Variants in CD2BP2 observed in about 807,000 individuals in gnomAD.
CD2BP2 encodes CD2 cytoplasmic tail binding protein 2.
A neutral mutation model predicts 35.9 loss-of-function variants in CD2BP2; 27 were observed. The ratio of observed to expected loss-of-function variants is 0.75; its 90% CI spans 0.55 to 1.04. The LOEUF (loss-of-function observed/expected upper bound fraction) is 1.04, where lower values mean the gene tolerates loss of function less well. Ranked by LOEUF, CD2BP2 falls within the 50% of genes least tolerant of loss-of-function variation. The probability of loss-of-function intolerance (pLI) is 0.00; values close to 1 mark genes in which losing one functional copy is unlikely to be tolerated. For missense variants in CD2BP2, 497 were observed against 444.3 expected (o/e 1.12, Z -1.07); for synonymous variants, 213 against 173.5 (o/e 1.23, Z -1.79).
At position 30,355,228 on chromosome 16, in the gene CD2BP2, G is replaced by A. The variant is rs2049527206; in HGVS notation, c.-43C>T. ...CGCACTCACCTGGGAATCCGCGGAA[G>A]GCGAGGTGGAAAAAAGAAGAGATGC... On this transcript the variant is annotated 5_prime_UTR_variant, in exon 1 of 7. Transcript: ENST00000305596. The A allele has an allele frequency of 1.3e-5, 2 of 152,746 alleles. No homozygotes were observed. Among genetic ancestry groups the A allele is most frequent in the Admixed American group, 6.5e-5 (1 of 15,296 alleles). 9.5% of individuals were successfully genotyped at this position (152,746 alleles called of 1,614,324 possible).
At position 30,354,255 on chromosome 16, in the gene CD2BP2, C is replaced by G; in HGVS notation, c.146G>C (p.Ser49Thr). 1.9e-6 allele frequency: 3 copies of G among 1,614,164 alleles called. No homozygotes were observed. Among genetic ancestry groups the G allele is most frequent in the Non-Finnish European group, 2.5e-6 (3 of 1,180,024 alleles). The change falls in exon 3 of 7, where the codon AGC (serine) becomes ACC (threonine). Residue 49 changes from serine (S) to threonine (T), a missense_variant. Ser to Thr is a moderately conservative substitution (Grantham distance 58). Coordinates refer to ENST00000305596, the MANE Select transcript of CD2BP2 (RefSeq NM_006110.3). ...ATCATCATCATCCTCCTCCTCATCG[C>G]TATCCAAAGAGTGTTTGCCTTTAAA... Reference protein sequence around the residue: ...SRFKGKHSLDSDEEEDDDDGG... With the variant: ...SRFKGKHSLDTDEEEDDDDGG...
rs1316239150 is a variant in CD2BP2, at chr16:30,353,620, C to G, written c.556G>C (p.Gly186Arg). Residue 186 changes from glycine to arginine, a missense_variant, in exon 5 of 7, where the codon GGG (glycine) becomes CGG (arginine). Transcript: ENST00000305596. ...CTGGGTTGCCCAGGCCCCTTTCTCC[C>G]TTTGCCTCCTCCTCGGGCCCCCAGA... ...RRLGARGGGK[G>R]RKGPGQPSSP... 3.7e-6 allele frequency: 6 copies of G among 1,613,866 alleles called. No homozygotes were observed. Among genetic ancestry groups the G allele is most frequent in the Non-Finnish European group, 5.1e-6 (6 of 1,179,894 alleles).
At position 30,352,655 on chromosome 16, in the gene CD2BP2, G is replaced by A; in HGVS notation, c.*330C>T. On this transcript the variant is annotated 3_prime_UTR_variant, in exon 7 of 7. Coordinates refer to ENST00000305596, the MANE Select transcript of CD2BP2 (RefSeq NM_006110.3). ...CTAAGAGGAATCGAACAAGAAACCT[G>A]GGAGAGGAGCACAGAGCAGCGCAGT... 3.4e-6 allele frequency: 1 copy of A among 294,698 alleles called. No individual in the cohort carries two copies. The highest frequency in any genetic ancestry group is 6.4e-6 in the Non-Finnish European group (1 of 155,456). 18.3% of individuals were successfully genotyped at this position (294,698 alleles called of 1,614,324 possible).
At chr16:30,354,844 A>C (rs973621452) in intron 1 of CD2BP2, 137 bp from the exon 2 acceptor site, 14 of 691,776 alleles carry the variant, frequency 2.0e-5, no homozygotes, top group Admixed American at 1.4e-4. Context: ...GGCCGAAAGG[A>C]AGCTGGCAGC....
intron 5 of CD2BP2, 23 bp from the exon 6 acceptor site, chr16:30,353,310 T>G (rs767820233): frequency 3.7e-6 from 6 of 1,613,752 alleles, no homozygotes; most frequent in South Asian, 1.1e-5. Context: ...GCAAAGCCAT[T>G]TGGCCTCCAG....
rs2049506380 is a variant in CD2BP2 at position 30,353,726 on chromosome 16, G to C, written c.450C>G (p.Thr150=). The C allele has an allele frequency of 6.2e-7, 1 of 1,612,566 alleles. No homozygotes were observed. The highest frequency in any genetic ancestry group is 1.3e-5 in the African/African-American group (1 of 74,924). The part of the protein sequence containing the change: ...DSEEEDSLGQ[T]SMSAQALLEG... ...CCAAGAGGGCTTGGGCACTCATTGAGGTCTGGCCCAAGCTGTCCTCCTCCT... is the reference window on the plus strand; with the variant it reads ...CCAAGAGGGCTTGGGCACTCATTGACGTCTGGCCCAAGCTGTCCTCCTCCT... The change falls in exon 5 of 7, where the codon ACC becomes ACG. Residue 150 remains threonine, a synonymous_variant. Transcript: ENST00000305596.
rs1263573663 is a variant in CD2BP2, at chr16:30,352,641, C to T, written c.*344G>A. The T allele has an allele frequency of 3.7e-6, 1 of 269,670 alleles. No homozygotes were observed. Among genetic ancestry groups the T allele is most frequent in the African/African-American group, 2.2e-5 (1 of 46,172 alleles). The allele number at this position is 269,670 out of a possible 1,614,324, so 16.7% of individuals were successfully genotyped here. On this transcript the variant is annotated 3_prime_UTR_variant, in exon 7 of 7. Transcript: ENST00000305596. ...TGAAAGCCAAAGACCTAAGAGGAATCGAACAAGAAACCTGGGAGAGGAGCA... is the reference window on the plus strand; with the variant it reads ...TGAAAGCCAAAGACCTAAGAGGAATTGAACAAGAAACCTGGGAGAGGAGCA...
intron 2 of CD2BP2, 22 bp from the exon 3 acceptor site, chr16:30,354,344 T>C: frequency 6.2e-7 from 1 of 1,604,428 alleles, no homozygotes. Flanking sequence ...AGCCAGAAAG[T>C]TGAGAAATGC....
Position 30,350,817 on chromosome 16 carries a change from G to A in CD2BP2, c.*2168C>T, listed in dbSNP as rs2049476050. 1 of 152,274 alleles carries A rather than the reference G, an allele frequency of 6.6e-6. No homozygotes were observed. Among genetic ancestry groups the A allele is most frequent in the Admixed American group, 6.5e-5 (1 of 15,286 alleles). 9.4% of individuals were successfully genotyped at this position (152,274 alleles called of 1,614,324 possible). A position where few individuals can be genotyped will look rare whatever the true frequency, so the allele number is the denominator to read the frequency against. On this transcript the variant is annotated 3_prime_UTR_variant, in exon 7 of 7. Coordinates refer to ENST00000305596, the MANE Select transcript of CD2BP2 (RefSeq NM_006110.3). ...ATTATCTTACAGTTCTAGAGGTCAGGAGTCCAAAATGGTTTTCACCAGGCT... is the reference window on the plus strand; with the variant it reads ...ATTATCTTACAGTTCTAGAGGTCAGAAGTCCAAAATGGTTTTCACCAGGCT...
Position 30,354,617 on chromosome 16 carries a change from A to G in CD2BP2, c.65T>C (p.Val22Ala). Residue 22 changes from valine to alanine, a missense_variant, in exon 2 of 7, where the codon GTC (valine) becomes GCC (alanine). Transcript: ENST00000305596. The part of the protein sequence containing the change: ...GDEEDEDEII[V>A]PKKKLVDPVA... Reference sequence around the variant, plus strand: ...TGGCCCCCTCACCTTCTTCTTGGGGACAATGATTTCATCCTCATCCTCCTC... The same window carrying G: ...TGGCCCCCTCACCTTCTTCTTGGGGGCAATGATTTCATCCTCATCCTCCTC... The G allele has an allele frequency of 6.2e-7, 1 of 1,613,326 alleles. No individual in the cohort carries two copies. Among genetic ancestry groups the G allele is most frequent in the Non-Finnish European group, 8.5e-7 (1 of 1,179,766 alleles).
chr16:30,353,315 C>T (rs777645377), intron 5 of CD2BP2, 28 bp from the exon 6 acceptor site: 4 of 1,613,324 alleles, frequency 2.5e-6, no homozygotes, highest in South Asian at 1.1e-5. Flanking sequence ...GCCATTTGGC[C>T]TCCAGTGTCT....
rs2049516364 is a variant in CD2BP2 at position 30,354,438 on chromosome 16, A to G, written c.79-116T>C. On this transcript the variant is annotated intron_variant, in intron 2 of 6. Transcript: ENST00000305596. ...TTTCAGGATCTCGACTACTTCCCCA[A>G]ATATTTCAGGAGCCACACTAAAGAC... The G allele has an allele frequency of 5.0e-6, 7 of 1,406,418 alleles. No homozygotes were observed. The Admixed American group carries it at 1.0e-4, about 21-fold the overall frequency. The allele number at this position is 1,406,418 out of a possible 1,614,324, so 87.1% of individuals were successfully genotyped here. A position where few individuals can be genotyped will look rare whatever the true frequency, so the allele number is the denominator to read the frequency against.
At position 30,351,888 on chromosome 16, in the gene CD2BP2, CAA is replaced by C. The variant is rs1401975134; in HGVS notation, c.*1095_*1096del. 1 of 152,290 alleles carries C rather than the reference CAA, an allele frequency of 6.6e-6. No homozygotes were observed. Among genetic ancestry groups the C allele is most frequent in the Non-Finnish European group, 1.5e-5 (1 of 68,098 alleles). The allele number at this position is 152,290 out of a possible 1,614,324, so 9.4% of individuals were successfully genotyped here. ...CCTAGACCAGCTCAATCTGAATCTC[CAA>C]AGAGATATTACAGCTCCCCAGGAGA... On this transcript the variant is annotated 3_prime_UTR_variant, in exon 7 of 7. Transcript: ENST00000305596.
Position 30,351,333 on chromosome 16 carries a change from A to G in CD2BP2, c.*1652T>C, listed in dbSNP as rs1567405647. On this transcript the variant is annotated 3_prime_UTR_variant, in exon 7 of 7. Coordinates refer to ENST00000305596, the MANE Select transcript of CD2BP2 (RefSeq NM_006110.3). ...ACCACGCACGCACTCAGCACCCCTGAGACCATCCCTGGGGCCTACAGGAGA... is the reference window on the plus strand; with the variant it reads ...ACCACGCACGCACTCAGCACCCCTGGGACCATCCCTGGGGCCTACAGGAGA... 3.3e-5 allele frequency: 5 copies of G among 152,292 alleles called. No individual in the cohort carries two copies. Among genetic ancestry groups the G allele is most frequent in the African/African-American group, 9.7e-5 (4 of 41,434 alleles). 9.4% of individuals were successfully genotyped at this position (152,292 alleles called of 1,614,324 possible).
Position 30,353,519 on chromosome 16 carries a change from C to T in CD2BP2, c.657G>A (p.Gln219=), listed in dbSNP as rs1044259610. ...MVARGNLGVY[Q]ETRERLAMRL... ...GCATAGCCAACCGTTCCCTTGTTTC[C>T]TGGTACACACCAAGGTTGCCCCGGG... The change falls in exon 5 of 7, where the codon CAG becomes CAA. Residue 219 remains glutamine (Q), a synonymous_variant. Coordinates refer to ENST00000305596, the MANE Select transcript of CD2BP2 (RefSeq NM_006110.3). 1.9e-6 allele frequency: 3 copies of T among 1,614,112 alleles called. No individual in the cohort carries two copies. In the African/African-American group the frequency reaches 4.0e-5, roughly 22 times the overall value.
At chr16:30,354,815 G>A (rs1033816397) in intron 1 of CD2BP2, 108 bp from the exon 2 acceptor site, 2 of 832,216 alleles carry the variant, frequency 2.4e-6, no homozygotes, top group Non-Finnish European at 2.0e-6. Flanking sequence ...TTTGGGAGCG[G>A]AGGGAGCACA....
Position 30,353,191 on chromosome 16 carries a change from G to A in CD2BP2, c.905C>T (p.Ala302Val). 1.2e-6 allele frequency: 2 copies of A among 1,613,406 alleles called. No homozygotes were observed. Among genetic ancestry groups the A allele is most frequent in the Non-Finnish European group, 1.7e-6 (2 of 1,179,328 alleles). ...DAELYGPFTSAQMQTWVSEGY... is the reference protein window; with the variant it reads ...DAELYGPFTSVQMQTWVSEGY... ...GAGAAAGCAGCTCACCTGCATCTGG[G>A]CGCTGGTGAAGGGCCCATACAGCTC... Residue 302 changes from alanine to valine, a missense_variant, in exon 6 of 7, where the codon GCC (alanine) becomes GTC (valine). Physicochemically the swap from Ala to Val is moderately conservative, Grantham distance 64. Coordinates refer to ENST00000305596, the MANE Select transcript of CD2BP2 (RefSeq NM_006110.3).
At position 30,353,595 on chromosome 16, in the gene CD2BP2, C is replaced by G; in HGVS notation, c.581G>C (p.Ser194Thr). 1.2e-6 allele frequency: 2 copies of G among 1,614,072 alleles called. No individual in the cohort carries two copies. The highest frequency in any genetic ancestry group is 1.7e-6 in the Non-Finnish European group (2 of 1,179,962). The change falls in exon 5 of 7, where the codon AGT becomes ACT. Residue 194 changes from serine to threonine, a missense_variant. Physicochemically the swap from Ser to Thr is moderately conservative, Grantham distance 58. Transcript: ENST00000305596. ...GKGRKGPGQPSSPQRLDRLSG... is the reference protein window; with the variant it reads ...GKGRKGPGQPTSPQRLDRLSG... ...GAGCCGGTCCAGGCGCTGAGGGGAA[C>G]TGGGTTGCCCAGGCCCCTTTCTCCC...
chr16:30,353,612 C>A lies in CD2BP2; in HGVS notation c.564G>T (p.Lys188Asn). The A allele has an allele frequency of 6.2e-7, 1 of 1,613,900 alleles. No homozygotes were observed. The highest frequency in any genetic ancestry group is 8.5e-7 in the Non-Finnish European group (1 of 1,179,890). ...LGARGGGKGR[K>N]GPGQPSSPQR... Reference sequence around the variant, plus strand: ...GAGGGGAACTGGGTTGCCCAGGCCCCTTTCTCCCTTTGCCTCCTCCTCGGG... The same window carrying A: ...GAGGGGAACTGGGTTGCCCAGGCCCATTTCTCCCTTTGCCTCCTCCTCGGG... Residue 188 changes from lysine to asparagine, a missense_variant, in exon 5 of 7, where the codon AAG (lysine) becomes AAT (asparagine). Transcript: ENST00000305596.
Sources: allele counts gnomAD v4.1 joint callset, GRCh38; gene constraint gnomAD v4.1.1; transcripts MANE v1.5; gene names NCBI Gene and HGNC (gene_info 2026-07-23, HGNC 2026-07-21).